The following AKAP9 variants were observed in gnomAD, a reference collection of about 807,000 sequenced individuals.
AKAP9 encodes the protein A-kinase anchoring protein 9, also known as A-kinase anchor protein 9.
Under a neutral mutation model 488.5 loss-of-function variants are expected in AKAP9, and 311 were observed. That is an observed-to-expected ratio of 0.64 (90% CI 0.58 to 0.70). The LOEUF (loss-of-function observed/expected upper bound fraction) is 0.70. Among genes scored for constraint, AKAP9 ranks in the 30% least tolerant of loss-of-function variants. AKAP9 has a pLI of 0.00. For missense variants in AKAP9, 4,215 were observed against 4,374.5 expected, an observed-to-expected ratio of 0.96 and a Z score of 1.03; for synonymous variants, 1,462 against 1,483.5, an observed-to-expected ratio of 0.99 and a Z score of 0.33.
In AKAP9 at chr7:91,992,075, G is replaced by A. The variant is rs565231706; in HGVS notation, c.352-83G>A. On this transcript the variant is annotated intron_variant, in intron 3 of 49. Transcript: ENST00000356239. ...TTCCCTAGGAATAAAAGACATACAC[G>A]TGAATACAGTTAACAGAAATATTGT... 1.9e-4 allele frequency: 212 copies of A among 1,130,742 alleles called. 1 individual carries two copies. The South Asian group carries it at 2.3e-3, about 12-fold the overall frequency. The allele number at this position is 1,130,742 out of a possible 1,614,324, so 70.0% of individuals were successfully genotyped here.
chr7:91,956,836 T>C (rs547564420), intron 1 of AKAP9, among the ~76,000 whole-genome samples: 2 of 152,360 alleles, frequency 1.3e-5, no homozygotes, highest in Middle Eastern at 3.4e-3. Context: ...TGTATTGTTT[T>C]GTTTCTGATA....
chr7:92,090,845 A>G (rs1815419673), intron 38 of AKAP9, among the ~76,000 whole-genome samples: 2 of 152,224 alleles, frequency 1.3e-5, no homozygotes, highest in Non-Finnish European at 1.5e-5. Context: ...CCTATCTTAG[A>G]TAAGGTCAAA....
chr7:92,050,040 T>C (rs1807674528), intron 21 of AKAP9, among the ~76,000 whole-genome samples: 3 of 151,736 alleles, frequency 2.0e-5, no homozygotes, highest in Non-Finnish European at 4.4e-5. Flanking sequence ...CTTTGTTCCC[T>C]GCTCAAGGTA....
At chr7:92,034,474 A>ATCTATC (rs1356877400) in intron 16 of AKAP9, among the ~76,000 whole-genome samples, 1 of 131,704 alleles carries the variant, frequency 7.6e-6, no homozygotes. Flanking sequence ...ATTGTAGTGT[A>ATCTATC]TATATCTATA....
rs529232127 is a variant in AKAP9, at chr7:92,038,842, G to A, written c.4692+70G>A. ...GAATTCTTTCACTTTAAAAATATTA[G>A]CAATAGTGCTGCTTAATGTTTGGAG... On this transcript the variant is annotated intron_variant, in intron 17 of 49. Coordinates refer to ENST00000356239, the MANE Select transcript of AKAP9 (RefSeq NM_005751.5). 1.8e-5 allele frequency: 18 copies of A among 1,019,882 alleles called. No homozygotes were observed. In the East Asian group the frequency reaches 2.0e-4, roughly 11 times the overall value. 63.2% of individuals were successfully genotyped at this position (1,019,882 alleles called of 1,614,324 possible). A position where few individuals can be genotyped will look rare whatever the true frequency, so the allele number is the denominator to read the frequency against.
At chr7:91,944,333 T>C (rs1256653264) in intron 1 of AKAP9, among the ~76,000 whole-genome samples, 3 of 152,156 alleles carry the variant, frequency 2.0e-5, no homozygotes, top group Non-Finnish European at 2.9e-5. Context: ...TTTATACTTT[T>C]AGTATTTTCC....
At chr7:92,070,827 CAGA>C in intron 27 of AKAP9, 75 bp from the exon 28 acceptor site, 1 of 648,456 alleles carries the variant, frequency 1.5e-6, no homozygotes, top group Non-Finnish European at 2.3e-6. Flanking sequence ...AAAAAAAAAG[CAGA>C]CCAAAAAACA....
intron 18 of AKAP9, chr7:92,041,782 A>G (rs1444679822): frequency 5.7e-6 from 2 of 353,028 alleles, no homozygotes; most frequent in African/African-American, 2.1e-5. Context: ...TTGTGAATTC[A>G]AACTTCTTAA....
At chr7:92,025,316 CT>C (rs1802942558) in intron 14 of AKAP9, among the ~76,000 whole-genome samples, 1 of 152,170 alleles carries the variant, frequency 6.6e-6, no homozygotes, top group Admixed American at 6.5e-5. Flanking sequence ...GCTCACCACC[CT>C]CTCTCAGAGT....
Position 92,097,303 on chromosome 7 carries a change from A to T in AKAP9, c.10344A>T (p.Leu3448=), listed in dbSNP as rs373789155. The T allele has an allele frequency of 2.5e-6, 4 of 1,613,778 alleles. No individual in the cohort carries two copies. Among genetic ancestry groups the T allele is most frequent in the Non-Finnish European group, 3.4e-6 (4 of 1,180,016 alleles). Residue 3448 remains leucine (L), a synonymous_variant, in exon 41 of 50, where the codon CTA becomes CTT. Coordinates refer to ENST00000356239, the MANE Select transcript of AKAP9 (RefSeq NM_005751.5). Reference sequence around the variant, plus strand: ...TGCAGGAATTCCAGAAGCAAGAACTAGAACGAGAAGAAAAACGAGAAAGTA... The same window carrying T: ...TGCAGGAATTCCAGAAGCAAGAACTTGAACGAGAAGAAAAACGAGAAAGTA... ...GIMQEFQKQE[L]EREEKRESRR... is the part of the protein sequence containing the mutation.
In AKAP9 at chr7:92,002,572, G is replaced by A; in HGVS notation, c.2655G>A (p.Gln885=). The A allele has an allele frequency of 6.2e-7, 1 of 1,609,226 alleles. No individual in the cohort carries two copies. Residue 885 remains glutamine (Q), a synonymous_variant, in exon 8 of 50, where the codon CAG becomes CAA. Coordinates refer to ENST00000356239, the MANE Select transcript of AKAP9 (RefSeq NM_005751.5). ...KDDLEDSKNK[Q]ELEYKSKLKA... is the part of the protein sequence containing the mutation. ...ATTTAGAAGACAGTAAAAATAAACA[G>A]GAATTAGAGTATAAAAGTAAACTTA...
At chr7:92,097,970 C>T (rs1326926547) in intron 42 of AKAP9, 139 bp from the exon 43 acceptor site, 2 of 863,804 alleles carry the variant, frequency 2.3e-6, no homozygotes, top group Non-Finnish European at 3.8e-6. Flanking sequence ...CTATCTAACA[C>T]TTTGACCCAG....
At chr7:92,037,146 T>C (rs576348602) in intron 16 of AKAP9, among the ~76,000 whole-genome samples, 5 of 152,352 alleles carry the variant, frequency 3.3e-5, no homozygotes, top group Admixed American at 3.3e-4. Context: ...ATTATAATTA[T>C]TCCTCAAGTC....
At chr7:91,972,582 T>C (rs1795228964) in intron 1 of AKAP9, among the ~76,000 whole-genome samples, 1 of 152,218 alleles carries the variant, frequency 6.6e-6, no homozygotes, top group East Asian at 1.9e-4. Flanking sequence ...TTCTTCCTCA[T>C]ATTTGAGTTC....
intron 27 of AKAP9, 66 bp from the exon 28 acceptor site, chr7:92,070,839 C>CAAA: frequency 1.7e-6 from 1 of 583,982 alleles, no homozygotes; most frequent in East Asian, 4.3e-5. Flanking sequence ...GACCAAAAAA[C>CAAA]AAAAAAAAAC....
chr7:92,029,256 A>G (rs1275435428), intron 14 of AKAP9, among the ~76,000 whole-genome samples: 1 of 152,302 alleles, frequency 6.6e-6, no homozygotes, highest in Non-Finnish European at 1.5e-5. Flanking sequence ...AGATAAAACA[A>G]AAAAGTCCGA....
intron 47 of AKAP9, among the ~76,000 whole-genome samples, chr7:92,106,705 C>T (rs979057620): frequency 2.0e-5 from 3 of 152,152 alleles, no homozygotes; most frequent in African/African-American, 7.2e-5. Flanking sequence ...CTGGGGAGCA[C>T]ACAGAGGACA....
intron 17 of AKAP9, among the ~76,000 whole-genome samples, chr7:92,039,736 A>T (rs1251636008): frequency 4.6e-5 from 7 of 152,224 alleles, no homozygotes; most frequent in African/African-American, 1.7e-4. Flanking sequence ...GCACTTTGGG[A>T]GGCCGAGGCA....
At chr7:92,100,687 A>G (rs989122351) in intron 44 of AKAP9, among the ~76,000 whole-genome samples, 169 bp from the exon 45 acceptor site, 15 of 152,254 alleles carry the variant, frequency 9.9e-5, no homozygotes, top group African/African-American at 3.6e-4. Context: ...GCAAAGGACC[A>G]TGTACTTAAG....
Sources: allele counts gnomAD v4.1 joint callset (sites outside exome capture counted in the v4.1 genomes callset), GRCh38; gene constraint gnomAD v4.1.1; transcripts MANE v1.5; gene names NCBI Gene and HGNC (gene_info 2026-07-23, HGNC 2026-07-21).